Variants in ERC2 observed in about 807,000 individuals in gnomAD.
ERC2 encodes ERC protein 2.
In ERC2, 42 loss-of-function variants were observed where a neutral mutation model predicts 114.8. That is an observed-to-expected ratio of 0.37 (90% CI 0.29 to 0.47). The LOEUF (loss-of-function observed/expected upper bound fraction) is 0.47. Among genes scored for constraint, ERC2 ranks in the 20% least tolerant of loss-of-function variants. The pLI, the probability that ERC2 is intolerant of heterozygous loss-of-function variation, is 0.99. For synonymous variants in ERC2, 454 were observed against 425.5 expected, an observed-to-expected ratio of 1.07 and a Z score of -0.82; for missense variants, 939 against 1,150.7, an observed-to-expected ratio of 0.82 and a Z score of 2.66.
At chr3:55,675,960 GT>G (rs1271346619) in intron 17 of ERC2, among the ~76,000 whole-genome samples, 1 of 105,762 alleles carries the variant, frequency 9.5e-6, no homozygotes, top group African/African-American at 3.7e-5. Flanking sequence ...CGCTCTTGTC[GT>G]CCAGACTGGA....
At chr3:56,086,880 A>G (rs1176701224) in intron 6 of ERC2, among the ~76,000 whole-genome samples, 1 of 152,156 alleles carries the variant, frequency 6.6e-6, no homozygotes, top group Non-Finnish European at 1.5e-5. Flanking sequence ...GTTTAGGTAT[A>G]TGGAATACCT....
intron 2 of ERC2, among the ~76,000 whole-genome samples, chr3:56,422,056 C>T (rs779551834): frequency 5.9e-5 from 9 of 152,096 alleles, no homozygotes; most frequent in Non-Finnish European, 8.8e-5. Context: ...GAACAAAAGA[C>T]AAAGCCTGCA....
chr3:56,449,804 A>G (rs2062749798), intron 1 of ERC2, among the ~76,000 whole-genome samples: 1 of 152,242 alleles, frequency 6.6e-6, no homozygotes, highest in Non-Finnish European at 1.5e-5. Flanking sequence ...GCTAATGATC[A>G]ACAGAAGTTA....
At chr3:56,331,664 G>A (rs2057621992) in intron 2 of ERC2, among the ~76,000 whole-genome samples, 1 of 150,828 alleles carries the variant, frequency 6.6e-6, no homozygotes, top group Non-Finnish European at 1.5e-5. Context: ...AGAAGTACAG[G>A]AGAGCACAAG....
intron 14 of ERC2, among the ~76,000 whole-genome samples, chr3:55,776,348 G>A (rs544498066): frequency 6.6e-6 from 1 of 152,096 alleles, no homozygotes; most frequent in African/African-American, 2.4e-5. Context: ...AACGGAGTAA[G>A]AACAGACTGA....
chr3:56,419,696 A>T (rs1226721516), intron 2 of ERC2, among the ~76,000 whole-genome samples: 2 of 152,250 alleles, frequency 1.3e-5, no homozygotes, highest in African/African-American at 4.8e-5. Flanking sequence ...ACACATGTGC[A>T]ATATTTTATG....
At chr3:55,727,147 C>T (rs564597937) in intron 15 of ERC2, among the ~76,000 whole-genome samples, 6 of 152,208 alleles carry the variant, frequency 3.9e-5, no homozygotes, top group African/African-American at 1.4e-4. Flanking sequence ...ATTTTGATGT[C>T]AGTCCTTTTT....
chr3:55,714,665 G>GTATATATATATA (rs2063987436), intron 15 of ERC2, among the ~76,000 whole-genome samples: 1 of 36,676 alleles, frequency 2.7e-5, no homozygotes, highest in African/African-American at 1.2e-4. Context: ...GTGTGTGTGT[G>GTATATATATATA]TGTATATATA....
At chr3:56,173,415 A>G in intron 4 of ERC2, 31 bp downstream of exon 4, 1 of 1,604,448 alleles carries the variant, frequency 6.2e-7, no homozygotes, top group Non-Finnish European at 8.5e-7. Context: ...CCAAGGCATA[A>G]CTGTTTCTGA....
chr3:56,339,741 C>T (rs2058011995), intron 2 of ERC2, among the ~76,000 whole-genome samples: 3 of 152,108 alleles, frequency 2.0e-5, no homozygotes, highest in Admixed American at 1.3e-4. Flanking sequence ...CTCCCTTCTG[C>T]CCCGCAACTT....
chr3:56,424,132 G>A (rs9814545), intron 2 of ERC2, among the ~76,000 whole-genome samples: 42,710 of 152,084 alleles, frequency 0.28, 6,338 homozygotes, highest in Admixed American at 0.43. Flanking sequence ...GGATGCTGTC[G>A]ATAGCGAACA....
At chr3:56,061,006 A>G in intron 7 of ERC2, among the ~76,000 whole-genome samples, 1 of 152,046 alleles carries the variant, frequency 6.6e-6, no homozygotes, top group East Asian at 1.9e-4. Context: ...AGAGTCAGTA[A>G]CCTCCACTTG....
At chr3:56,095,593 T>G (rs2078020872) in intron 6 of ERC2, among the ~76,000 whole-genome samples, 1 of 152,222 alleles carries the variant, frequency 6.6e-6, no homozygotes, top group Non-Finnish European at 1.5e-5. Context: ...TCCTTCATGC[T>G]CAGTTAAATG....
In ERC2 at chr3:55,742,304, A is replaced by G. The variant is rs17713873; in HGVS notation, c.2565-7386T>C. 6.1e-3 allele frequency among the ~76,000 whole-genome samples: 934 copies of G among 152,258 alleles called. 10 individuals are homozygous for G. Among genetic ancestry groups the G allele is most frequent in the Non-Finnish European group, 7.5e-3 (512 of 68,008 alleles). On this transcript the variant is annotated intron_variant, in intron 14 of 17. Transcript: ENST00000288221. ...TGTAAACATTTCTACTTCACTCCCC[A>G]TTGCTGTCGTTCTATTAATGATGAT...
At chr3:55,692,937 T>C (rs1196433247) in intron 16 of ERC2, among the ~76,000 whole-genome samples, 1 of 152,174 alleles carries the variant, frequency 6.6e-6, no homozygotes, top group African/African-American at 2.4e-5. Flanking sequence ...AACCAAGAAA[T>C]TTGATGGCTT....
chr3:56,172,115 G>A (rs2082711449), intron 4 of ERC2, among the ~76,000 whole-genome samples: 1 of 150,976 alleles, frequency 6.6e-6, no homozygotes, highest in South Asian at 2.1e-4. Flanking sequence ...ATGAACCACT[G>A]GCCTACCATT....
chr3:55,857,247 A>G (rs1055034674), intron 14 of ERC2, among the ~76,000 whole-genome samples: 1 of 152,214 alleles, frequency 6.6e-6, no homozygotes, highest in African/African-American at 2.4e-5. Context: ...GGAAGACACT[A>G]TTTAGCTAAT....
intron 14 of ERC2, among the ~76,000 whole-genome samples, chr3:55,795,353 C>A (rs990274556): frequency 3.9e-5 from 6 of 152,104 alleles, no homozygotes; most frequent in African/African-American, 1.4e-4. Context: ...AGCTGGGGCA[C>A]CTTGCTTTGC....
intron 14 of ERC2, among the ~76,000 whole-genome samples, chr3:55,827,775 C>A (rs1461458204): frequency 6.6e-6 from 1 of 152,208 alleles, no homozygotes; most frequent in Non-Finnish European, 1.5e-5. Context: ...TCCACACTGA[C>A]AAACGCTTGG....
Sources: allele counts gnomAD v4.1 joint callset (sites outside exome capture counted in the v4.1 genomes callset), GRCh38; gene constraint gnomAD v4.1.1; transcripts MANE v1.5; gene names NCBI Gene and HGNC (gene_info 2026-07-23, HGNC 2026-07-21).